IL1RAPL1: variants seen among roughly 807,000 people sequenced by gnomAD.
IL1RAPL1 encodes interleukin 1 receptor accessory protein like 1, also known as interleukin-1 receptor accessory protein-like 1.
In IL1RAPL1, 3 loss-of-function variants were observed where a neutral mutation model predicts 48.4. The observed-to-expected ratio is 0.06, with a 90% CI of 0.03 to 0.16. The LOEUF (loss-of-function observed/expected upper bound fraction) is 0.16. IL1RAPL1 is among the 10% of genes least tolerant of loss of function. The probability of loss-of-function intolerance (pLI) is 1.00; values close to 1 mark genes in which losing one functional copy is unlikely to be tolerated. For synonymous variants in IL1RAPL1, 185 were observed against 187.7 expected, an observed-to-expected ratio of 0.99 and a Z score of 0.12; for missense variants, 349 against 530.6, an observed-to-expected ratio of 0.66 and a Z score of 3.36.
At chrX:28,702,411 G>A (rs752061814) in intron 1 of IL1RAPL1, among the ~76,000 whole-genome samples, 16 of 111,857 alleles carry the variant, frequency 1.4e-4, no homozygotes, top group South Asian at 3.7e-4. Flanking sequence ...TCAAGGTTAT[G>A]ATGGCACAAT....
intron 1 of IL1RAPL1, among the ~76,000 whole-genome samples, chrX:28,648,546 A>G (rs1382059655): frequency 8.9e-6 from 1 of 112,225 alleles, no homozygotes; most frequent in African/African-American, 3.2e-5. Flanking sequence ...CCACTACCTC[A>G]GGAGAACTAC....
intron 6 of IL1RAPL1, among the ~76,000 whole-genome samples, chrX:29,710,929 C>CT (rs1927326029): frequency 9.3e-6 from 1 of 107,123 alleles, no homozygotes; most frequent in South Asian, 4.1e-4. Context: ...TTATCAAAAT[C>CT]TGTGAAAATT....
chrX:28,618,005 G>A (rs913075214), intron 1 of IL1RAPL1, among the ~76,000 whole-genome samples: 1 of 111,882 alleles, frequency 8.9e-6, no homozygotes, highest in Non-Finnish European at 1.9e-5. Flanking sequence ...AGAATGGTTT[G>A]TGTCATCCTC....
intron 6 of IL1RAPL1, among the ~76,000 whole-genome samples, chrX:29,886,201 T>C (rs1487760689): frequency 1.8e-5 from 2 of 112,405 alleles, no homozygotes; most frequent in Non-Finnish European, 3.8e-5. Flanking sequence ...TTCAAAACCA[T>C]TTGATTCATT....
chrX:29,704,947 TAGAA>T (rs1927153252), intron 6 of IL1RAPL1, among the ~76,000 whole-genome samples: 1 of 111,256 alleles, frequency 9.0e-6, no homozygotes, highest in Non-Finnish European at 1.9e-5. Context: ...ATTTAGGGGA[TAGAA>T]GTACAGTTTT....
chrX:29,213,671 G>A (rs1930813946), intron 2 of IL1RAPL1, among the ~76,000 whole-genome samples: 1 of 112,719 alleles, frequency 8.9e-6, no homozygotes, highest in South Asian at 3.6e-4. Flanking sequence ...ATGCCTTGGG[G>A]CATGGACACT....
At chrX:29,067,426 C>T (rs1348561870) in intron 2 of IL1RAPL1, among the ~76,000 whole-genome samples, 1 of 112,073 alleles carries the variant, frequency 8.9e-6, no homozygotes. Flanking sequence ...ATTGCTTAAG[C>T]GAAATGAAGA....
chrX:29,085,639 G>A (rs1319274381), intron 2 of IL1RAPL1, among the ~76,000 whole-genome samples: 1 of 111,589 alleles, frequency 9.0e-6, no homozygotes, highest in East Asian at 2.8e-4. Context: ...TGAAAATGTT[G>A]ACAGTTTATA....
At chrX:29,666,036 T>G (rs915352943) in intron 5 of IL1RAPL1, among the ~76,000 whole-genome samples, 2 of 111,526 alleles carry the variant, frequency 1.8e-5, no homozygotes, top group Non-Finnish European at 3.8e-5. Flanking sequence ...CTTTTGATCT[T>G]TTTGTACCTC....
At chrX:29,244,649 A>C (rs778644225) in intron 2 of IL1RAPL1, among the ~76,000 whole-genome samples, 1 of 112,533 alleles carries the variant, frequency 8.9e-6, no homozygotes, top group East Asian at 2.8e-4. Context: ...TTGATACGCA[A>C]TTGTATCTAC....
chrX:28,588,206 ATGTGTGTGTGTGTGTGTGTGTGTGTGTG>A, intron 1 of IL1RAPL1, among the ~76,000 whole-genome samples, 159 bp downstream of exon 1: 1 of 49,928 alleles, frequency 2.0e-5, no homozygotes, highest in South Asian at 8.8e-4. Flanking sequence ...GTGTGTTGAT[ATGTGTGTGTGTGTGTGTGTGTGTGTGTG>A]TGTGTGTGTG....
chrX:29,357,024 A>G (rs180963952), intron 3 of IL1RAPL1, among the ~76,000 whole-genome samples: 192 of 111,781 alleles, frequency 1.7e-3, no homozygotes, highest in African/African-American at 6.0e-3. Flanking sequence ...ATTATTATTC[A>G]TCCACCAAAC....
intron 2 of IL1RAPL1, among the ~76,000 whole-genome samples, chrX:28,810,624 T>C (rs1049183623): frequency 9.0e-6 from 1 of 110,917 alleles, no homozygotes; most frequent in Non-Finnish European, 1.9e-5. Context: ...AAATCTTCTA[T>C]TGAATGTAAA....
chrX:28,979,095 T>C (rs891657369), intron 2 of IL1RAPL1, among the ~76,000 whole-genome samples: 5 of 111,192 alleles, frequency 4.5e-5, no homozygotes, highest in Non-Finnish European at 9.4e-5. Flanking sequence ...GTCTCTGGAG[T>C]CAAAAAGTTC....
intron 2 of IL1RAPL1, among the ~76,000 whole-genome samples, chrX:28,859,614 CTT>C (rs1921890455): frequency 9.1e-6 from 1 of 109,952 alleles, no homozygotes; most frequent in African/African-American, 3.3e-5. Flanking sequence ...TAGTATCTAT[CTT>C]TGTTTACTTA....
chrX:29,155,275 G>A (rs1929546975), intron 2 of IL1RAPL1, among the ~76,000 whole-genome samples: 1 of 111,753 alleles, frequency 8.9e-6, no homozygotes, highest in South Asian at 3.7e-4. Flanking sequence ...GCCTCCCAAA[G>A]TGCTGGGATT....
chrX:29,201,566 T>C (rs1314912350), intron 2 of IL1RAPL1, among the ~76,000 whole-genome samples: 1 of 112,337 alleles, frequency 8.9e-6, no homozygotes, highest in Non-Finnish European at 1.9e-5. Flanking sequence ...AGGAAATAAA[T>C]AATGCATATG....
At chrX:28,966,343 G>A (rs185274068) in intron 2 of IL1RAPL1, among the ~76,000 whole-genome samples, 146 of 111,812 alleles carry the variant, frequency 1.3e-3, no homozygotes, top group African/African-American at 4.6e-3. Flanking sequence ...TCAAGAATTC[G>A]AAAGATGAGA....
At chrX:29,893,423 C>T in intron 6 of IL1RAPL1, among the ~76,000 whole-genome samples, 1 of 111,106 alleles carries the variant, frequency 9.0e-6, no homozygotes, top group East Asian at 2.8e-4. Flanking sequence ...ACCTGCTTTA[C>T]TGATTCTACA....
Sources: allele counts gnomAD v4.1 joint callset (sites outside exome capture counted in the v4.1 genomes callset), GRCh38; gene constraint gnomAD v4.1.1; transcripts MANE v1.5; gene names NCBI Gene and HGNC (gene_info 2026-07-23, HGNC 2026-07-21).